PKP4: variants seen among roughly 807,000 people sequenced by gnomAD.
The protein encoded by PKP4 is plakophilin-4.
A neutral mutation model predicts 145.1 loss-of-function variants in PKP4; 90 were observed. The observed-to-expected ratio is 0.62, with a 90% CI of 0.52 to 0.74. The LOEUF (loss-of-function observed/expected upper bound fraction) is 0.74, where lower values mean the gene tolerates loss of function less well. Among genes scored for constraint, PKP4 ranks in the 30% least tolerant of loss-of-function variants. The pLI is 0.00. For missense variants in PKP4, 1,340 were observed against 1,482.7 expected (o/e 0.90, Z 1.58); for synonymous variants, 563 against 577.2 (o/e 0.98, Z 0.35).
At chr2:158,507,273 A>G (rs984086718) in intron 1 of PKP4, among the ~76,000 whole-genome samples, 1 of 152,060 alleles carries the variant, frequency 6.6e-6, no homozygotes, top group Non-Finnish European at 1.5e-5. Flanking sequence ...GGTGTTTTTC[A>G]CTATGTGACT....
At chr2:158,506,208 T>C (rs193043985) in intron 1 of PKP4, among the ~76,000 whole-genome samples, 1 of 152,304 alleles carries the variant, frequency 6.6e-6, no homozygotes, top group East Asian at 1.9e-4. Flanking sequence ...CCAGTCACCT[T>C]GCTCTGCAGT....
intron 1 of PKP4, among the ~76,000 whole-genome samples, chr2:158,479,677 ACT>A (rs1693042672): frequency 6.6e-6 from 1 of 152,224 alleles, no homozygotes; most frequent in African/African-American, 2.4e-5. Context: ...AAGGAGTTCA[ACT>A]AATAGCAACT....
At chr2:158,634,440 G>C in intron 9 of PKP4, 151 bp downstream of exon 9, 1 of 588,030 alleles carries the variant, frequency 1.7e-6, no homozygotes. Context: ...TTGTATTCCA[G>C]CTATATAGGT....
Position 158,524,462 on chromosome 2 carries a change from T to C in PKP4, c.-5-8718T>C, listed in dbSNP as rs975773281. 2.1e-3 allele frequency among the ~76,000 whole-genome samples: 254 copies of C among 123,072 alleles called. 2 individuals carry two copies. The highest frequency in any genetic ancestry group is 7.2e-3 in the African/African-American group (228 of 31,632). 80.7% of individuals were successfully genotyped at this position (123,072 alleles called of 152,430 possible). On this transcript the variant is annotated intron_variant, in intron 1 of 21. Transcript: ENST00000389759. ...GATTTTGTCACCACCAGGCCAGCCC[T>C]AAAAGAGCTCCTGAAGGAAGCACTA...
At chr2:158,506,978 C>G (rs2041041351) in intron 1 of PKP4, among the ~76,000 whole-genome samples, 1 of 152,170 alleles carries the variant, frequency 6.6e-6, no homozygotes, top group South Asian at 2.1e-4. Flanking sequence ...TACTATTTGT[C>G]TCTCCTAAAT....
chr2:158,536,627 G>C (rs1365102023), intron 2 of PKP4, among the ~76,000 whole-genome samples: 1 of 152,156 alleles, frequency 6.6e-6, no homozygotes, highest in East Asian at 1.9e-4. Flanking sequence ...ACTGGGCTAT[G>C]CTTTCCCTAG....
intron 1 of PKP4, among the ~76,000 whole-genome samples, chr2:158,460,204 AC>A (rs1689559971): frequency 6.6e-6 from 1 of 152,198 alleles, no homozygotes; most frequent in Non-Finnish European, 1.5e-5. Context: ...AAAATTATAT[AC>A]ATTATTGCAG....
intron 15 of PKP4, among the ~76,000 whole-genome samples, chr2:158,664,928 A>G (rs2056941819): frequency 1.6e-5 from 2 of 123,366 alleles, no homozygotes; most frequent in Admixed American, 9.2e-5. Flanking sequence ...CTGTGACCAG[A>G]GGATCATTTG....
intron 1 of PKP4, among the ~76,000 whole-genome samples, chr2:158,517,998 C>T (rs1312461986): frequency 1.3e-5 from 2 of 151,944 alleles, no homozygotes; most frequent in African/African-American, 4.8e-5. Flanking sequence ...TTTTCTGTAT[C>T]CCCGTCATCT....
At position 158,663,303 on chromosome 2, in the gene PKP4, C is replaced by T. The variant is rs750817326; in HGVS notation, c.2435C>T (p.Ser812Leu). 1.2e-5 allele frequency: 19 copies of T among 1,613,862 alleles called. No individual in the cohort carries two copies. The highest frequency in any genetic ancestry group is 1.1e-4 in the East Asian group (5 of 44,868). ...WDGVGPIPGL[S>L]KSPKGVEMLW... ...GGAGTTGGTCCTATCCCAGGACTGT[C>T]GAAGTCCCCCAAAGGGGTTGAGATG... Residue 812 changes from serine to leucine, a missense_variant, in exon 15 of 22, where the codon TCG becomes TTG. Physicochemically the swap from Ser to Leu is moderately radical, Grantham distance 145 (BLOSUM62 -2). Coordinates refer to ENST00000389759, the MANE Select transcript of PKP4 (RefSeq NM_003628.6).
rs1336087651 is a variant in PKP4, at chr2:158,625,246, A to G, written c.972A>G (p.Arg324=). Residue 324 remains arginine (R), a synonymous_variant, in exon 7 of 22, where the codon CGA becomes CGG. Transcript: ENST00000389759. ...TGACCCTGACGGATGCACAGACTCG[A>G]GTAGCTTCCCCATCCCAAGGCCAGG... is the stretch of plus-strand genomic sequence containing the variant. ...SPLTLTDAQT[R]VASPSQGQVG... is the part of the protein sequence containing the mutation. 3 of 1,614,040 alleles carry G rather than the reference A, an allele frequency of 1.9e-6. No individual in the cohort carries two copies. The highest frequency in any genetic ancestry group is 1.3e-5 in the African/African-American group (1 of 74,908).
rs559861643 is a variant in PKP4, at chr2:158,510,251, A to G, written c.-5-22929A>G. Among the ~76,000 whole-genome samples the G allele has an allele frequency of 3.9e-5, 6 of 152,350 alleles. No individual in the cohort carries two copies. In the South Asian group the frequency reaches 1.2e-3, roughly 32 times the overall value. On this transcript the variant is annotated intron_variant, in intron 1 of 21. Coordinates refer to ENST00000389759, the MANE Select transcript of PKP4 (RefSeq NM_003628.6). ...CTAATATATTAAACATTTTTCTGTA[A>G]ATGTAGCAGTATAGTGCCAGTTTCT...
intron 8 of PKP4, among the ~76,000 whole-genome samples, chr2:158,632,984 C>T (rs2105916048): frequency 6.6e-6 from 1 of 152,264 alleles, no homozygotes; most frequent in South Asian, 2.1e-4. Context: ...TTAGTAAAGT[C>T]ATTTTAAATA....
intron 9 of PKP4, among the ~76,000 whole-genome samples, chr2:158,639,344 G>A (rs13420710): frequency 0.11 from 16,458 of 152,018 alleles, 949 homozygotes; most frequent in Middle Eastern, 0.17. Flanking sequence ...GTGTGTGTGC[G>A]TGCGTGTGTG....
chr2:158,633,534 A>G (rs915605499), intron 8 of PKP4, among the ~76,000 whole-genome samples: 2 of 152,256 alleles, frequency 1.3e-5, no homozygotes, highest in African/African-American at 4.8e-5. Flanking sequence ...TTTAAAACTT[A>G]TGAATTACTT....
intron 1 of PKP4, among the ~76,000 whole-genome samples, chr2:158,532,116 G>A (rs919724912): frequency 6.6e-6 from 1 of 152,170 alleles, no homozygotes; most frequent in African/African-American, 2.4e-5. Context: ...GGGGTAACAA[G>A]TCCCAGATCA....
intron 1 of PKP4, among the ~76,000 whole-genome samples, chr2:158,500,067 T>G (rs1401826244): frequency 6.6e-6 from 1 of 152,260 alleles, no homozygotes; most frequent in East Asian, 1.9e-4. Flanking sequence ...GGCACTTTTA[T>G]GGACAGTATA....
chr2:158,518,132 G>A (rs945619065), intron 1 of PKP4, among the ~76,000 whole-genome samples: 4 of 152,138 alleles, frequency 2.6e-5, no homozygotes, highest in African/African-American at 9.7e-5. Flanking sequence ...TCTGGCCTAG[G>A]CTCAGTCAGG....
At chr2:158,535,216 A>G (rs1293949545) in intron 2 of PKP4, among the ~76,000 whole-genome samples, 7 of 152,208 alleles carry the variant, frequency 4.6e-5, no homozygotes, top group Non-Finnish European at 7.3e-5. Flanking sequence ...GTCACTTCCT[A>G]TCATCTACCC....
Sources: gnomAD v4.1 joint callset for allele counts (sites outside exome capture counted in the v4.1 genomes callset) on GRCh38, gnomAD v4.1.1 for gene constraint, MANE v1.5 for transcripts, NCBI Gene and HGNC (gene_info 2026-07-23, HGNC 2026-07-21) for gene names.